The following MTUS2 variants were observed in gnomAD, a reference collection of about 807,000 sequenced individuals.
MTUS2 encodes the protein microtubule associated scaffold protein 2, also known as microtubule-associated tumor suppressor candidate 2.
In MTUS2, 40 loss-of-function variants were observed where a neutral mutation model predicts 114.1. The observed-to-expected ratio is 0.35, with a 90% confidence interval of 0.27 to 0.46. The LOEUF is 0.46. Ranked by LOEUF, MTUS2 falls within the 20% of genes least tolerant of loss-of-function variation. The pLI is 1.00. For synonymous variants in MTUS2, 688 were observed against 672.0 expected (o/e 1.02, Z -0.37); for missense variants, 1,679 against 1,705.4 (o/e 0.98, Z 0.27).
At chr13:28,960,474 C>G (rs1283085803) in intron 2 of MTUS2, among the ~76,000 whole-genome samples, 1 of 152,102 alleles carries the variant, frequency 6.6e-6, no homozygotes, top group Non-Finnish European at 1.5e-5. Context: ...AGAAACAATA[C>G]AAGTGCATAC....
intron 2 of MTUS2, among the ~76,000 whole-genome samples, chr13:28,908,168 T>C (rs1880167065): frequency 6.6e-6 from 1 of 151,558 alleles, no homozygotes; most frequent in African/African-American, 2.4e-5. Context: ...TACTTTAAGT[T>C]TTAGGGTACG....
chr13:29,424,467 C>T (rs527812809), intron 8 of MTUS2, among the ~76,000 whole-genome samples: 1 of 152,224 alleles, frequency 6.6e-6, no homozygotes, highest in East Asian at 1.9e-4. Context: ...TTGCAGTCCC[C>T]AGTGAAATAA....
chr13:29,145,150 A>G (rs1241994903), intron 5 of MTUS2, among the ~76,000 whole-genome samples: 1 of 152,184 alleles, frequency 6.6e-6, no homozygotes, highest in Non-Finnish European at 1.5e-5. Context: ...ACAAATTACT[A>G]TTGTAATTAT....
intron 2 of MTUS2, among the ~76,000 whole-genome samples, chr13:28,844,479 A>T (rs983058082): frequency 1.3e-5 from 2 of 151,632 alleles, no homozygotes; most frequent in Non-Finnish European, 2.9e-5. Flanking sequence ...TTTCTCTTAG[A>T]TGCCAGGATA....
At chr13:28,919,530 T>G (rs1246707010) in intron 2 of MTUS2, among the ~76,000 whole-genome samples, 6 of 152,190 alleles carry the variant, frequency 3.9e-5, no homozygotes, top group Non-Finnish European at 7.3e-5. Flanking sequence ...AATTTGATTA[T>G]TAAATGCCTT....
chr13:29,033,771 A>AG (rs1886934845), intron 3 of MTUS2, 114 bp from the exon 4 acceptor site: 1 of 1,302,428 alleles, frequency 7.7e-7, no homozygotes, highest in African/African-American at 1.5e-5. Context: ...CTTGTGATCA[A>AG]GCAGCTAAGT....
At chr13:28,986,620 GT>G (rs1460939452) in intron 2 of MTUS2, among the ~76,000 whole-genome samples, 1 of 152,172 alleles carries the variant, frequency 6.6e-6, no homozygotes, top group East Asian at 1.9e-4. Flanking sequence ...CAGGCATCAA[GT>G]TTGGCTGAGA....
intron 5 of MTUS2, among the ~76,000 whole-genome samples, chr13:29,230,740 G>T (rs551080538): frequency 7.0e-4 from 107 of 152,194 alleles, no homozygotes; most frequent in Non-Finnish European, 1.3e-3. Flanking sequence ...CTAGAGTGCA[G>T]GCCTTTATTT....
intron 2 of MTUS2, among the ~76,000 whole-genome samples, chr13:28,876,161 A>G (rs1403284032): frequency 6.6e-6 from 1 of 152,170 alleles, no homozygotes; most frequent in Non-Finnish European, 1.5e-5. Flanking sequence ...TTCCTTATGG[A>G]TTCCCAGTTG....
chr13:28,906,371 T>C (rs1410455049), intron 2 of MTUS2, among the ~76,000 whole-genome samples: 1 of 151,206 alleles, frequency 6.6e-6, no homozygotes, highest in Non-Finnish European at 1.5e-5. Flanking sequence ...GGATCTTTCC[T>C]GCTTTCTCTT....
chr13:29,052,613 T>C (rs1887954648), intron 4 of MTUS2, among the ~76,000 whole-genome samples: 2 of 152,112 alleles, frequency 1.3e-5, no homozygotes, highest in Admixed American at 1.3e-4. Context: ...AGAGGATAAA[T>C]AGAAGTTAAG....
chr13:29,402,736 C>T (rs1359795438), intron 8 of MTUS2, among the ~76,000 whole-genome samples: 1 of 152,160 alleles, frequency 6.6e-6, no homozygotes, highest in Non-Finnish European at 1.5e-5. Flanking sequence ...CCTTCCAATA[C>T]ATACTTAAGA....
At chr13:29,367,460 G>T (rs1451680512) in intron 8 of MTUS2, among the ~76,000 whole-genome samples, 1 of 152,166 alleles carries the variant, frequency 6.6e-6, no homozygotes, top group African/African-American at 2.4e-5. Flanking sequence ...GCAGGCAGGA[G>T]GCCCTGAGTT....
intron 2 of MTUS2, among the ~76,000 whole-genome samples, chr13:28,891,292 T>G (rs1878907369): frequency 1.3e-5 from 2 of 152,208 alleles, no homozygotes; most frequent in Non-Finnish European, 2.9e-5. Flanking sequence ...AAACGGTAAT[T>G]TAAAGAAGGC....
chr13:29,053,162 C>G (rs1887980473), intron 4 of MTUS2, among the ~76,000 whole-genome samples: 3 of 152,064 alleles, frequency 2.0e-5, no homozygotes, highest in Admixed American at 2.0e-4. Context: ...ATTATAAATA[C>G]AATGAAGATA....
At chr13:28,909,358 T>C (rs920821297) in intron 2 of MTUS2, among the ~76,000 whole-genome samples, 1 of 148,116 alleles carries the variant, frequency 6.8e-6, no homozygotes, top group African/African-American at 2.7e-5. Context: ...TATCCTCTTT[T>C]ATTTCATTGA....
At chr13:29,000,928 G>C (rs1043041520) in intron 2 of MTUS2, among the ~76,000 whole-genome samples, 4 of 152,142 alleles carry the variant, frequency 2.6e-5, no homozygotes, top group Admixed American at 6.5e-5. Flanking sequence ...CCAGAGCTCT[G>C]TTCCCAAAGT....
intron 8 of MTUS2, among the ~76,000 whole-genome samples, chr13:29,384,191 T>C (rs533348593): frequency 4.3e-4 from 65 of 152,244 alleles, no homozygotes; most frequent in Non-Finnish European, 8.8e-4. Flanking sequence ...GCCAAAAGAA[T>C]AGTCTTCTAT....
At chr13:29,263,648 A>G (rs1040180899) in intron 5 of MTUS2, among the ~76,000 whole-genome samples, 3 of 152,240 alleles carry the variant, frequency 2.0e-5, no homozygotes, top group African/African-American at 7.2e-5. Context: ...GGCACATCAC[A>G]TGGCAGAAAC....
Sources: allele counts gnomAD v4.1 joint callset (sites outside exome capture counted in the v4.1 genomes callset), GRCh38; gene constraint gnomAD v4.1.1; transcripts MANE v1.5; gene names NCBI Gene and HGNC (gene_info 2026-07-23, HGNC 2026-07-21).